Variants in TNRC18 observed in about 807,000 individuals in gnomAD.
TNRC18 encodes the protein trinucleotide repeat-containing gene 18 protein.
Under a neutral mutation model 226.7 loss-of-function variants are expected in TNRC18, and 69 were observed. The ratio of observed to expected loss-of-function variants is 0.30; its 90% confidence interval spans 0.25 to 0.37. TNRC18 has a LOEUF of 0.37. Ranked by LOEUF, TNRC18 falls within the 10% of genes least tolerant of loss-of-function variation. The pLI is 1.00. For missense variants in TNRC18, 4,754 were observed against 4,256.6 expected, an observed-to-expected ratio of 1.12 and a Z score of -3.25; for synonymous variants, 2,449 against 1,927.6, an observed-to-expected ratio of 1.27 and a Z score of -7.09.
intron 19 of TNRC18, among the ~76,000 whole-genome samples, chr7:5,327,395 G>GTC (rs1789037039): frequency 6.8e-6 from 1 of 147,726 alleles, no homozygotes; most frequent in African/African-American, 2.5e-5. Flanking sequence ...GTGTGTGTGT[G>GTC]TGTGTGTGTG....
intron 12 of TNRC18, 39 bp downstream of exon 12, chr7:5,362,611 C>A (rs749744645): frequency 6.7e-7 from 1 of 1,492,856 alleles, no homozygotes; most frequent in African/African-American, 1.4e-5. Context: ...CACCCAGCCT[C>A]CCCCGCGGAC....
intron 27 of TNRC18, among the ~76,000 whole-genome samples, chr7:5,310,095 G>A (rs1332703881): frequency 2.0e-5 from 3 of 152,088 alleles, no homozygotes; most frequent in Non-Finnish European, 4.4e-5. Context: ...AGAGATGGGG[G>A]TCTCACTATG....
intron 2 of TNRC18, among the ~76,000 whole-genome samples, chr7:5,395,202 C>T (rs144748381): frequency 1.8e-4 from 27 of 152,362 alleles, no homozygotes; most frequent in Non-Finnish European, 3.2e-4. Context: ...TGCAGCCCTG[C>T]AGGGTGTCCC....
intron 19 of TNRC18, among the ~76,000 whole-genome samples, chr7:5,326,611 A>T (rs898366891): frequency 1.3e-5 from 2 of 151,802 alleles, no homozygotes; most frequent in Non-Finnish European, 2.9e-5. Context: ...ATGCCCAGCT[A>T]AAAAATCTAC....
chr7:5,338,315 T>C (rs1790322222), intron 18 of TNRC18, among the ~76,000 whole-genome samples: 1 of 152,048 alleles, frequency 6.6e-6, no homozygotes, highest in Non-Finnish European at 1.5e-5. Context: ...AAGACACTAA[T>C]AAACTGAAAG....
In TNRC18 at chr7:5,390,428, C is replaced by T. The variant is rs564397019; in HGVS notation, c.487+57G>A. On this transcript the variant is annotated intron_variant, in intron 4 of 29. Transcript: ENST00000430969. ...GGGCTACCTGGATGCTGCCAAAGGC[C>T]CCAGAAGCCTCTCAGAAGGCCCCTG... 2.6e-5 allele frequency: 42 copies of T among 1,606,328 alleles called. No individual in the cohort carries two copies. The African/African-American group carries it at 4.7e-4, about 18-fold the overall frequency.
At chr7:5,396,555 C>T (rs1489795697) in intron 2 of TNRC18, among the ~76,000 whole-genome samples, 1 of 152,086 alleles carries the variant, frequency 6.6e-6, no homozygotes, top group African/African-American at 2.4e-5. Flanking sequence ...CAATAACCAG[C>T]CATGGCACCC....
At chr7:5,355,217 G>A (rs1412390082) in intron 16 of TNRC18, among the ~76,000 whole-genome samples, 1 of 152,240 alleles carries the variant, frequency 6.6e-6, no homozygotes, top group Non-Finnish European at 1.5e-5. Flanking sequence ...CTACCTGCCA[G>A]GCAGCAGGTT....
rs1182679572 is a variant in TNRC18, at chr7:5,312,466, C to T, written c.8388+37G>A. On this transcript the variant is annotated intron_variant, in intron 27 of 29. Coordinates refer to ENST00000430969, the MANE Select transcript of TNRC18 (RefSeq NM_001080495.3). This position sits in a 1 kb window ranked among gnomAD's most constrained non-coding sequence, Gnocchi z 6.3. ...GCCCAGCAGAGAGACACAAGGCCCCCGGCCCCTCGGCCGTGCCCGGGCGCG... is the reference window on the plus strand; with the variant it reads ...GCCCAGCAGAGAGACACAAGGCCCCTGGCCCCTCGGCCGTGCCCGGGCGCG... The T allele has an allele frequency of 1.1e-5, 18 of 1,596,486 alleles. No homozygotes were observed. The highest frequency in any genetic ancestry group is 1.4e-5 in the Non-Finnish European group (16 of 1,174,000).
In TNRC18 at chr7:5,370,698, G is replaced by A. The variant is rs772367486; in HGVS notation, c.3896C>T (p.Pro1299Leu). The change falls in exon 11 of 30, where the codon CCC (proline) becomes CTC (leucine). Residue 1299 changes from proline (P) to leucine (L), a missense_variant. Transcript: ENST00000430969. ...GCTCGGGCACTGTCCCTCCCCGGCG[G>A]GCACGTCACAGTCTGACATTTCTAG... ...PTLEMSDCDV[P>L]AGEGQCPSLE... The A allele has an allele frequency of 2.5e-6, 4 of 1,610,950 alleles. No homozygotes were observed. In the East Asian group the frequency reaches 6.7e-5, roughly 27 times the overall value.
intron 15 of TNRC18, among the ~76,000 whole-genome samples, chr7:5,358,417 C>A (rs530806318): frequency 1.3e-5 from 2 of 152,328 alleles, no homozygotes; most frequent in East Asian, 3.9e-4. Context: ...GCATCCCTCA[C>A]CACAATTTGA....
At chr7:5,415,671 G>A (rs1259265018) in intron 2 of TNRC18, among the ~76,000 whole-genome samples, 2 of 151,052 alleles carry the variant, frequency 1.3e-5, no homozygotes, top group African/African-American at 2.4e-5. Flanking sequence ...GTGAGCCACC[G>A]TGCCCAGCCT....
chr7:5,388,495 A>G lies in TNRC18; in HGVS notation c.1329T>C (p.Asp443=). 1 of 1,347,192 alleles carries G rather than the reference A, an allele frequency of 7.4e-7. No individual in the cohort carries two copies. The highest frequency in any genetic ancestry group is 9.5e-7 in the Non-Finnish European group (1 of 1,055,574). 83.5% of individuals were successfully genotyped at this position (1,347,192 alleles called of 1,614,324 possible). A position where few individuals can be genotyped will look rare whatever the true frequency, so the allele number is the denominator to read the frequency against. ...IRSLKRPPPA[D]APTVRATRAS... is the part of the protein sequence containing the mutation. ...CGCGTGTGGCCCGCACCGTGGGGGC[A>G]TCCGCGGGGGGCGGCCGCTTGAGCG... is the stretch of plus-strand genomic sequence containing the variant. The change falls in exon 5 of 30, where the codon GAT becomes GAC. Residue 443 remains aspartate, a synonymous_variant. Transcript: ENST00000430969.
rs1322953467 is a variant in TNRC18, at chr7:5,324,378, A to AAAT, written c.6301-26_6301-24dup. 6.2e-7 allele frequency: 1 copy of AAAT among 1,612,090 alleles called. No homozygotes were observed. The highest frequency in any genetic ancestry group is 1.1e-5 in the South Asian group (1 of 91,044). ...GTTCTGGGGACAGAACATGGCCGAC[A>AAAT]AATGACTTAGGACCTGAACAGGGGT... On this transcript the variant is annotated intron_variant, in intron 20 of 29. Coordinates refer to ENST00000430969, the MANE Select transcript of TNRC18 (RefSeq NM_001080495.3). This position sits in a 1 kb window ranked among gnomAD's most constrained non-coding sequence, Gnocchi z 4.8.
At chr7:5,345,535 C>G (rs2128139395) in intron 18 of TNRC18, 27 bp downstream of exon 18, 1 of 1,251,080 alleles carries the variant, frequency 8.0e-7, no homozygotes, top group African/African-American at 1.6e-5. Context: ...CACCCACCCC[C>G]ACCGCAGCCC....
intron 5 of TNRC18, among the ~76,000 whole-genome samples, chr7:5,379,858 G>A (rs1238895453): frequency 6.6e-6 from 1 of 152,210 alleles, no homozygotes; most frequent in African/African-American, 2.4e-5. Context: ...AGGGCTTCCG[G>A]GAAGAGGGGT....
At chr7:5,308,415 G>A (rs1786806668) in intron 29 of TNRC18, 103 bp from the exon 30 acceptor site, 2 of 1,083,832 alleles carry the variant, frequency 1.8e-6, no homozygotes, top group Admixed American at 2.4e-5. Context: ...GGAGCCCCAG[G>A]GACTGAGACA....
At chr7:5,356,665 G>A (rs1440664494) in intron 16 of TNRC18, among the ~76,000 whole-genome samples, 1 of 152,118 alleles carries the variant, frequency 6.6e-6, no homozygotes, top group African/African-American at 2.4e-5. Flanking sequence ...CGCCAATCAC[G>A]GGCGCCCACC....
Position 5,357,055 on chromosome 7 carries a change from G to T in TNRC18, c.5055C>A (p.Gly1685=). ...KNRKALAKGL[G]LSLKSSREGK... The stretch of plus-strand genomic sequence containing the variant: ...CTTCTCTGGAGGATTTCAGAGACAG[G>T]CCGAGGCCCTTGGCCAGCGCCTTCC... Residue 1685 remains glycine (G), a synonymous_variant, in exon 16 of 30, where the codon GGC becomes GGA. Coordinates refer to ENST00000430969, the MANE Select transcript of TNRC18 (RefSeq NM_001080495.3). 6.4e-7 allele frequency: 1 copy of T among 1,552,214 alleles called. No homozygotes were observed. The highest frequency in any genetic ancestry group is 1.4e-5 in the African/African-American group (1 of 73,174).
Sources: allele counts gnomAD v4.1 joint callset (sites outside exome capture counted in the v4.1 genomes callset), GRCh38; gene constraint gnomAD v4.1.1; non-coding constraint Gnocchi (gnomAD v3.1); transcripts MANE v1.5; gene names NCBI Gene and HGNC (gene_info 2026-07-23, HGNC 2026-07-21).